Variants in FAM110B observed in about 807,000 individuals in gnomAD.
FAM110B encodes family with sequence similarity 110 member B.
Under a neutral mutation model 20.4 loss-of-function variants are expected in FAM110B, and 6 were observed. The ratio of observed to expected loss-of-function variants is 0.29; its 90% CI spans 0.16 to 0.58. The LOEUF is 0.58. Among genes scored for constraint, FAM110B ranks in the 20% least tolerant of loss-of-function variants. The pLI is 0.90. For synonymous variants in FAM110B, 226 were observed against 214.1 expected (o/e 1.06, Z -0.49); for missense variants, 434 against 498.2 (o/e 0.87, Z 1.23).
In FAM110B at chr8:58,003,869, A is replaced by G. The variant is rs545830899; in HGVS notation, c.-512+9063A>G. On this transcript the variant is annotated intron_variant, in intron 1 of 3. Coordinates refer to ENST00000519262, the MANE Select transcript of FAM110B (RefSeq NM_001377989.1). ...TAAGTCAGCATTGGCTTCAACTTCA[A>G]GTTACCAACTGCATTAGCTTCTAAT... Among the ~76,000 whole-genome samples the G allele has an allele frequency of 1.5e-3, 229 of 152,298 alleles. 1 individual carries two copies. Among genetic ancestry groups the G allele is most frequent in the Middle Eastern group, 6.8e-3 (2 of 294 alleles).
chr8:58,003,312 C>A (rs1804338026), intron 1 of FAM110B, among the ~76,000 whole-genome samples: 1 of 152,176 alleles, frequency 6.6e-6, no homozygotes, highest in Non-Finnish European at 1.5e-5. Flanking sequence ...GAGTCTTGAA[C>A]CTCTCAAAGT....
chr8:57,996,900 CTAAGA>C (rs757774335), intron 1 of FAM110B, among the ~76,000 whole-genome samples: 16 of 152,150 alleles, frequency 1.1e-4, no homozygotes, highest in Non-Finnish European at 2.4e-4. Context: ...GCCTAACTAG[CTAAGA>C]TAAGAAAACT....
Position 58,070,918 on chromosome 8 carries a change from G to A in FAM110B, c.-413-4617G>A, listed in dbSNP as rs139327011. Among the ~76,000 whole-genome samples, 4 of 152,226 alleles carry A rather than the reference G, an allele frequency of 2.6e-5. No homozygotes were observed. The East Asian group carries it at 7.7e-4, about 29-fold the overall frequency. On this transcript the variant is annotated intron_variant, in intron 2 of 3. Transcript: ENST00000519262. ...TCTCACCTTTTGTAGTTTTTATTAAGCCTTTTGAATACAGAGAGGGTTAAC... is the reference window on the plus strand; with the variant it reads ...TCTCACCTTTTGTAGTTTTTATTAAACCTTTTGAATACAGAGAGGGTTAAC...
Position 58,039,717 on chromosome 8 carries a change from C to T in FAM110B, c.-414+8014C>T, listed in dbSNP as rs150206774. On this transcript the variant is annotated intron_variant, in intron 2 of 3. Transcript: ENST00000519262. Reference sequence around the variant, plus strand: ...CACATAGAGTAAGGTTAGTCTCCCCCTCTGGAGGTCACTTCTTATATATAT... The same window carrying T: ...CACATAGAGTAAGGTTAGTCTCCCCTTCTGGAGGTCACTTCTTATATATAT... Among the ~76,000 whole-genome samples the T allele has an allele frequency of 2.5e-3, 384 of 152,238 alleles. 2 individuals carry two copies. The highest frequency in any genetic ancestry group is 8.7e-3 in the African/African-American group (360 of 41,552).
chr8:58,134,578 T>C (rs949530054), intron 3 of FAM110B, among the ~76,000 whole-genome samples: 3 of 152,252 alleles, frequency 2.0e-5, no homozygotes, highest in Non-Finnish European at 4.4e-5. Flanking sequence ...CTGGGAACAT[T>C]TGAAATAATG....
chr8:58,039,902 A>G (rs1320056498), intron 2 of FAM110B, among the ~76,000 whole-genome samples: 2 of 152,224 alleles, frequency 1.3e-5, no homozygotes, highest in African/African-American at 2.4e-5. Context: ...GACTACAGGC[A>G]TATGCCACCG....
chr8:58,096,260 C>T (rs1210869601), intron 3 of FAM110B, among the ~76,000 whole-genome samples: 6 of 152,248 alleles, frequency 3.9e-5, no homozygotes, highest in Admixed American at 3.9e-4. Context: ...ATTGCAACCT[C>T]CACCTTCCGG....
At chr8:58,093,292 G>A (rs1055546424) in intron 3 of FAM110B, among the ~76,000 whole-genome samples, 2 of 152,124 alleles carry the variant, frequency 1.3e-5, no homozygotes, top group Admixed American at 6.5e-5. Context: ...CATTGCTGTT[G>A]CTTTTGGTGT....
At chr8:58,082,952 T>C (rs1030427029) in intron 3 of FAM110B, among the ~76,000 whole-genome samples, 4 of 149,514 alleles carry the variant, frequency 2.7e-5, no homozygotes, top group Non-Finnish European at 4.4e-5. Context: ...GTGGCTTCAG[T>C]GAGCTATGAT....
At position 58,147,355 on chromosome 8, in the gene FAM110B, G is replaced by A. The variant is rs753097431; in HGVS notation, c.*12G>A. The A allele has an allele frequency of 6.2e-7, 1 of 1,606,786 alleles. No individual in the cohort carries two copies. Among genetic ancestry groups the A allele is most frequent in the Admixed American group, 1.7e-5 (1 of 59,736 alleles). On this transcript the variant is annotated 3_prime_UTR_variant, in exon 4 of 4. Coordinates refer to ENST00000519262, the MANE Select transcript of FAM110B (RefSeq NM_001377989.1). ...TCTCCCATGTGTAAGACAGTGCGTGGAAAGGAGGGAGCGTGGGTCTCTGTG... is the reference window on the plus strand; with the variant it reads ...TCTCCCATGTGTAAGACAGTGCGTGAAAAGGAGGGAGCGTGGGTCTCTGTG...
At chr8:58,045,897 C>G (rs894954012) in intron 2 of FAM110B, among the ~76,000 whole-genome samples, 1 of 152,130 alleles carries the variant, frequency 6.6e-6, no homozygotes, top group East Asian at 1.9e-4. Context: ...GATCAAGGCC[C>G]CAGCAGAGTT....
chr8:58,100,571 G>A (rs1806753379), intron 3 of FAM110B, among the ~76,000 whole-genome samples: 1 of 152,190 alleles, frequency 6.6e-6, no homozygotes, highest in South Asian at 2.1e-4. Flanking sequence ...GCTTCTGCTG[G>A]TTTGCTGGCC....
At chr8:58,030,028 G>A (rs947354381) in intron 1 of FAM110B, among the ~76,000 whole-genome samples, 4 of 152,034 alleles carry the variant, frequency 2.6e-5, no homozygotes, top group Non-Finnish European at 4.4e-5. Flanking sequence ...TATAATTTTT[G>A]GCCAAAATAA....
At chr8:58,055,797 A>T (rs1489594195) in intron 2 of FAM110B, among the ~76,000 whole-genome samples, 1 of 152,224 alleles carries the variant, frequency 6.6e-6, no homozygotes, top group Non-Finnish European at 1.5e-5. Flanking sequence ...ACACCTGTTC[A>T]TGTGCTCTAT....
intron 2 of FAM110B, among the ~76,000 whole-genome samples, chr8:58,046,747 C>A (rs2150578880): frequency 6.6e-6 from 1 of 152,292 alleles, no homozygotes; most frequent in African/African-American, 2.4e-5. Context: ...ACTTATTTTG[C>A]AAGAAGAGTC....
Position 58,139,053 on chromosome 8 carries a change from T to G in FAM110B, c.-324-6854T>G, listed in dbSNP as rs12542705. Reference sequence around the variant, plus strand: ...GATTTACTCATCTTGTCGAAAAAATTAAAGTGCCTAATTAAAACAAAATAA... The same window carrying G: ...GATTTACTCATCTTGTCGAAAAAATGAAAGTGCCTAATTAAAACAAAATAA... On this transcript the variant is annotated intron_variant, in intron 3 of 3. Transcript: ENST00000519262. Among the ~76,000 whole-genome samples, 1,301 of 152,290 alleles carry G rather than the reference T, an allele frequency of 8.5e-3. 63 individuals carry two copies. The highest frequency in any genetic ancestry group is 0.077 in the Admixed American group (1,176 of 15,294).
At chr8:58,138,786 C>T (rs541404848) in intron 3 of FAM110B, among the ~76,000 whole-genome samples, 3 of 152,328 alleles carry the variant, frequency 2.0e-5, no homozygotes, top group South Asian at 2.1e-4. Context: ...ATAACTTTTC[C>T]GTTTGATCAA....
intron 2 of FAM110B, among the ~76,000 whole-genome samples, chr8:58,058,004 G>A (rs73236451): frequency 0.062 from 9,390 of 152,276 alleles, 406 homozygotes; most frequent in African/African-American, 0.11. Flanking sequence ...CCTTGGGGCC[G>A]TGGGGAGAGG....
intron 2 of FAM110B, among the ~76,000 whole-genome samples, chr8:58,034,782 G>T (rs1255921708): frequency 6.6e-6 from 1 of 152,216 alleles, no homozygotes; most frequent in Non-Finnish European, 1.5e-5. Flanking sequence ...AAATGAGGTG[G>T]TGTATATAAA....
Sources: allele counts gnomAD v4.1 joint callset (sites outside exome capture counted in the v4.1 genomes callset), GRCh38; gene constraint gnomAD v4.1.1; transcripts MANE v1.5; gene names NCBI Gene and HGNC (gene_info 2026-07-23, HGNC 2026-07-21).